The following BTRC variants were observed in gnomAD, a reference collection of about 807,000 sequenced individuals.
BTRC encodes F-box/WD repeat-containing protein 1A.
BTRC carries 42 observed loss-of-function variants against 85.5 expected under a neutral mutation model. That is an observed-to-expected ratio of 0.49 (90% CI 0.38 to 0.64). The LOEUF is 0.64. Ranked by LOEUF, BTRC falls within the 30% of genes least tolerant of loss-of-function variation. BTRC has a pLI of 0.00. For missense variants in BTRC, 594 were observed against 743.5 expected (o/e 0.80, Z 2.34); for synonymous variants, 255 against 263.3 (o/e 0.97, Z 0.30).
chr10:101,407,583 G>A (rs1178700316), intron 1 of BTRC, among the ~76,000 whole-genome samples: 1 of 152,022 alleles, frequency 6.6e-6, no homozygotes, highest in Non-Finnish European at 1.5e-5. Flanking sequence ...TAGAGATGGG[G>A]TTTTGCCATG....
intron 1 of BTRC, among the ~76,000 whole-genome samples, chr10:101,405,265 G>A (rs1351742999): frequency 6.6e-6 from 1 of 151,666 alleles, no homozygotes; most frequent in East Asian, 1.9e-4. Flanking sequence ...AAAAAAAAAA[G>A]CAATGAGGTT....
chr10:101,508,774 T>C (rs1946607938), intron 4 of BTRC, among the ~76,000 whole-genome samples: 1 of 151,438 alleles, frequency 6.6e-6, no homozygotes, highest in Non-Finnish European at 1.5e-5. Context: ...AATAGCCAGG[T>C]GTGGTGGCAG....
intron 4 of BTRC, among the ~76,000 whole-genome samples, chr10:101,513,373 C>T (rs973888415): frequency 9.2e-5 from 14 of 152,124 alleles, no homozygotes; most frequent in South Asian, 8.3e-4. Flanking sequence ...TGGCAACTGG[C>T]GTAACAATCA....
At chr10:101,423,333 G>T (rs1271322484) in intron 1 of BTRC, among the ~76,000 whole-genome samples, 2 of 152,154 alleles carry the variant, frequency 1.3e-5, no homozygotes, top group East Asian at 3.8e-4. Flanking sequence ...AACTAACAAA[G>T]CTTGTTAGTT....
In BTRC at chr10:101,553,668, CAG is replaced by C. The variant is rs1209700665; in HGVS notation, c.*548_*549del. ...CAGCCCCAATATGCTTAGGAGGAGA[CAG>C]AGTTCCCTCTGTATAGCCTCTGGGA... On this transcript the variant is annotated 3_prime_UTR_variant, in exon 15 of 15. Transcript: ENST00000370187. 1 of 152,638 alleles carries C rather than the reference CAG, an allele frequency of 6.6e-6. No homozygotes were observed. Among genetic ancestry groups the C allele is most frequent in the Non-Finnish European group, 1.5e-5 (1 of 68,080 alleles). The allele number at this position is 152,638 out of a possible 1,614,324, so 9.5% of individuals were successfully genotyped here.
At chr10:101,476,280 C>A (rs1048423402) in intron 3 of BTRC, among the ~76,000 whole-genome samples, 1 of 151,812 alleles carries the variant, frequency 6.6e-6, no homozygotes, top group Admixed American at 6.6e-5. Context: ...AAATAAATGC[C>A]ATGTGGGATC....
chr10:101,441,465 G>A (rs1487909531), intron 2 of BTRC, among the ~76,000 whole-genome samples: 3 of 152,214 alleles, frequency 2.0e-5, no homozygotes, highest in Non-Finnish European at 4.4e-5. Flanking sequence ...GTCTCATAAT[G>A]TAGAAATCCT....
chr10:101,464,154 A>G (rs1451706864), intron 3 of BTRC, among the ~76,000 whole-genome samples: 1 of 152,218 alleles, frequency 6.6e-6, no homozygotes, highest in African/African-American at 2.4e-5. Context: ...AAGTTTTGGC[A>G]ACTTTATTTA....
intron 2 of BTRC, among the ~76,000 whole-genome samples, chr10:101,446,127 C>T (rs886105727): frequency 2.1e-5 from 3 of 140,286 alleles, no homozygotes; most frequent in Admixed American, 1.4e-4. Context: ...CAACCCCCTC[C>T]GTGCTCAGAA....
intron 1 of BTRC, among the ~76,000 whole-genome samples, chr10:101,355,401 G>C (rs1472811754): frequency 6.6e-6 from 1 of 152,104 alleles, no homozygotes; most frequent in East Asian, 1.9e-4. Flanking sequence ...TTTGTATCAC[G>C]CTTTTCTTTT....
chr10:101,467,723 T>G (rs1469787397), intron 3 of BTRC, among the ~76,000 whole-genome samples: 1 of 152,120 alleles, frequency 6.6e-6, no homozygotes, highest in Non-Finnish European at 1.5e-5. Flanking sequence ...GAGATGTTTA[T>G]TAATAAAAAA....
chr10:101,536,359 A>G (rs1420164479), intron 11 of BTRC, among the ~76,000 whole-genome samples, 184 bp from the exon 12 acceptor site: 1 of 152,204 alleles, frequency 6.6e-6, no homozygotes, highest in African/African-American at 2.4e-5. Context: ...TTAAACCTAC[A>G]TATTTCTGTG....
chr10:101,527,787 C>CACA (rs1312355828), intron 6 of BTRC, among the ~76,000 whole-genome samples: 12 of 142,618 alleles, frequency 8.4e-5, no homozygotes, highest in African/African-American at 2.6e-4. Context: ...CTCTCTCTCT[C>CACA]TCTCACATAC....
chr10:101,388,353 T>C (rs1486214562), intron 1 of BTRC, among the ~76,000 whole-genome samples: 1 of 151,556 alleles, frequency 6.6e-6, no homozygotes, highest in Admixed American at 6.6e-5. Flanking sequence ...TTATTTTATT[T>C]TATTTTATTT....
intron 4 of BTRC, among the ~76,000 whole-genome samples, chr10:101,482,397 T>G (rs1050937156): frequency 3.0e-4 from 42 of 141,530 alleles, no homozygotes; most frequent in African/African-American, 1.1e-3. Context: ...TTGTTTCTTT[T>G]TTTTTTTTTT....
At chr10:101,393,059 C>T (rs1378262185) in intron 1 of BTRC, among the ~76,000 whole-genome samples, 1 of 152,066 alleles carries the variant, frequency 6.6e-6, no homozygotes, top group African/African-American at 2.4e-5. Context: ...GATCTTAAGA[C>T]CCTCCACTGA....
intron 1 of BTRC, 119 bp downstream of exon 1, chr10:101,354,347 G>C: frequency 8.8e-7 from 1 of 1,139,502 alleles, no homozygotes. Flanking sequence ...GGCTGGCGGC[G>C]GAGCGGCTGG....
At chr10:101,354,949 A>G (rs1259476620) in intron 1 of BTRC, among the ~76,000 whole-genome samples, 1 of 152,188 alleles carries the variant, frequency 6.6e-6, no homozygotes, top group Non-Finnish European at 1.5e-5. Flanking sequence ...GTAAGCTAGA[A>G]TTACAAATGT....
intron 7 of BTRC, 77 bp from the exon 8 acceptor site, chr10:101,532,218 G>C: frequency 6.8e-7 from 1 of 1,468,734 alleles, no homozygotes. Context: ...TTGAGCCATT[G>C]ATTGTCATTA....
Sources: gnomAD v4.1 joint callset for allele counts (sites outside exome capture counted in the v4.1 genomes callset) on GRCh38, gnomAD v4.1.1 for gene constraint, MANE v1.5 for transcripts, NCBI Gene and HGNC (gene_info 2026-07-23, HGNC 2026-07-21) for gene names.